The following CTNND2 variants were observed in gnomAD, a reference collection of about 807,000 sequenced individuals.
The protein encoded by CTNND2 is catenin delta 2.
In CTNND2, 22 loss-of-function variants were observed where a neutral mutation model predicts 144.4. That is an observed-to-expected ratio of 0.15 (90% confidence interval 0.11 to 0.22). The LOEUF (loss-of-function observed/expected upper bound fraction) is 0.22, where lower values mean the gene tolerates loss of function less well. Among genes scored for constraint, CTNND2 ranks in the 10% least tolerant of loss-of-function variants. The probability of loss-of-function intolerance (pLI) is 1.00; values close to 1 mark genes in which losing one functional copy is unlikely to be tolerated. For synonymous variants in CTNND2, 751 were observed against 695.6 expected (o/e 1.08, Z -1.25); for missense variants, 1,353 against 1,618.8 (o/e 0.84, Z 2.82).
At chr5:11,007,963 A>C (rs887231014) in intron 18 of CTNND2, among the ~76,000 whole-genome samples, 1 of 152,160 alleles carries the variant, frequency 6.6e-6, no homozygotes, top group Non-Finnish European at 1.5e-5. Context: ...TCTTGTCTCT[A>C]AAAGAAAAAG....
At chr5:11,636,106 A>G (rs1468087575) in intron 2 of CTNND2, among the ~76,000 whole-genome samples, 3 of 151,726 alleles carry the variant, frequency 2.0e-5, no homozygotes, top group East Asian at 3.9e-4. Context: ...AACTGAGGAA[A>G]ACCCACCCCC....
intron 16 of CTNND2, among the ~76,000 whole-genome samples, chr5:11,066,513 T>C (rs1747623632): frequency 1.3e-5 from 2 of 151,192 alleles, no homozygotes; most frequent in African/African-American, 4.9e-5. Context: ...TTTGAGTTGT[T>C]CCACCTTTCT....
At chr5:10,986,808 C>A in intron 20 of CTNND2, 1 of 372,576 alleles carries the variant, frequency 2.7e-6, no homozygotes, top group East Asian at 8.5e-5. Flanking sequence ...AGAGTTAACA[C>A]GGAAAACACT....
chr5:11,283,306 C>G (rs923755110), intron 9 of CTNND2, among the ~76,000 whole-genome samples: 12 of 151,946 alleles, frequency 7.9e-5, no homozygotes, highest in Non-Finnish European at 1.6e-4. Context: ...TTGGTATTTT[C>G]TATGGTATAA....
chr5:11,184,073 T>C (rs1214226625), intron 11 of CTNND2, among the ~76,000 whole-genome samples: 1 of 152,236 alleles, frequency 6.6e-6, no homozygotes, highest in Non-Finnish European at 1.5e-5. Flanking sequence ...AGACTTCTTT[T>C]GGTTAATAAA....
At chr5:10,987,648 C>CCCTCCCCTCCCCACTCCCCTCT in intron 20 of CTNND2, among the ~76,000 whole-genome samples, 1 of 128,508 alleles carries the variant, frequency 7.8e-6, no homozygotes, top group Non-Finnish European at 1.7e-5. Context: ...CATTCCCCGT[C>CCCTCCCCTCCCCACTCCCCTCT]CCTCCCCTCC....
At chr5:11,412,439 A>G (rs1561355128) in intron 3 of CTNND2, among the ~76,000 whole-genome samples, 1 of 152,192 alleles carries the variant, frequency 6.6e-6, no homozygotes, top group Non-Finnish European at 1.5e-5. Context: ...AGGTAGCCTA[A>G]TAAGGAAATA....
At chr5:11,559,465 C>T (rs1024377724) in intron 3 of CTNND2, among the ~76,000 whole-genome samples, 11 of 152,202 alleles carry the variant, frequency 7.2e-5, no homozygotes. Flanking sequence ...TAGCACGACG[C>T]TTTAAACTGT....
chr5:11,649,314 T>TTATTTG (rs796067899), intron 2 of CTNND2, among the ~76,000 whole-genome samples: 76 of 152,202 alleles, frequency 5.0e-4, no homozygotes, highest in African/African-American at 1.8e-3. Flanking sequence ...ACTTATTTTG[T>TTATTTG]TATTTTTATT....
chr5:11,835,833 CTTCT>C (rs1794148076), intron 1 of CTNND2, among the ~76,000 whole-genome samples: 1 of 151,804 alleles, frequency 6.6e-6, no homozygotes, highest in African/African-American at 2.4e-5. Flanking sequence ...TTCTTCTGTC[CTTCT>C]TTCTGTTTGT....
intron 3 of CTNND2, among the ~76,000 whole-genome samples, chr5:11,485,040 A>C (rs1202822935): frequency 6.6e-6 from 1 of 152,216 alleles, no homozygotes; most frequent in African/African-American, 2.4e-5. Flanking sequence ...TTTTCAAAAA[A>C]AAATGTGGTT....
chr5:11,245,179 C>T (rs769702530), intron 9 of CTNND2, among the ~76,000 whole-genome samples: 2 of 152,122 alleles, frequency 1.3e-5, no homozygotes, highest in Non-Finnish European at 2.9e-5. Flanking sequence ...GGACAGAATC[C>T]CCACTGGGAA....
At chr5:11,773,919 T>C (rs1384591126) in intron 1 of CTNND2, among the ~76,000 whole-genome samples, 1 of 152,138 alleles carries the variant, frequency 6.6e-6, no homozygotes, top group Non-Finnish European at 1.5e-5. Context: ...TTTTTTACTA[T>C]TAAGAGAATG....
At chr5:11,811,377 TC>T (rs1436218862) in intron 1 of CTNND2, among the ~76,000 whole-genome samples, 5 of 152,188 alleles carry the variant, frequency 3.3e-5, no homozygotes, top group African/African-American at 1.2e-4. Context: ...CATTCTGATT[TC>T]CCTGATTGAG....
At chr5:11,657,728 ATTT>A (rs1377484996) in intron 2 of CTNND2, among the ~76,000 whole-genome samples, 1 of 152,176 alleles carries the variant, frequency 6.6e-6, no homozygotes, top group Non-Finnish European at 1.5e-5. Context: ...AATCAAAATA[ATTT>A]TTAAAAATCA....
chr5:11,304,043 AC>A (rs923296257), intron 9 of CTNND2, among the ~76,000 whole-genome samples: 2 of 152,034 alleles, frequency 1.3e-5, no homozygotes, highest in African/African-American at 4.8e-5. Flanking sequence ...TTCACCTTCC[AC>A]CGTGATTGTG....
At chr5:11,158,483 A>C (rs996600209) in intron 12 of CTNND2, among the ~76,000 whole-genome samples, 4 of 152,174 alleles carry the variant, frequency 2.6e-5, no homozygotes, top group South Asian at 2.1e-4. Context: ...GAAAAGCAGA[A>C]TTGTCAGAGG....
chr5:11,840,589 G>C (rs1207895060), intron 1 of CTNND2, among the ~76,000 whole-genome samples: 1 of 152,142 alleles, frequency 6.6e-6, no homozygotes, highest in East Asian at 1.9e-4. Context: ...ATTTTGATCT[G>C]AATGCTACAA....
At chr5:11,527,827 C>T (rs1039809145) in intron 3 of CTNND2, among the ~76,000 whole-genome samples, 1 of 152,120 alleles carries the variant, frequency 6.6e-6, no homozygotes, top group African/African-American at 2.4e-5. Context: ...GACACACAGG[C>T]GTGCAATAAA....
Sources: allele counts gnomAD v4.1 joint callset (sites outside exome capture counted in the v4.1 genomes callset), GRCh38; gene constraint gnomAD v4.1.1; transcripts MANE v1.5; gene names NCBI Gene and HGNC (gene_info 2026-07-23, HGNC 2026-07-21).